The following TVP23A variants were observed in gnomAD, a reference collection of about 807,000 sequenced individuals.
The protein encoded by TVP23A is Golgi apparatus membrane protein TVP23 homolog A.
In TVP23A, 21 loss-of-function variants were observed where a neutral mutation model predicts 31.7. The observed-to-expected ratio is 0.66, with a 90% CI of 0.47 to 0.95. TVP23A has a LOEUF of 0.95. Ranked by LOEUF, TVP23A falls within the 40% of genes least tolerant of loss-of-function variation. The pLI, the probability that TVP23A is intolerant of heterozygous loss-of-function variation, is 0.00. For synonymous variants in TVP23A, 104 were observed against 96.0 expected, an observed-to-expected ratio of 1.08 and a Z score of -0.49; for missense variants, 279 against 255.6, an observed-to-expected ratio of 1.09 and a Z score of -0.62.
In TVP23A at chr16:10,775,013, C is replaced by G. The variant is rs1372301549; in HGVS notation, c.173G>C (p.Ser58Thr). The G allele has an allele frequency of 5.6e-6, 9 of 1,612,732 alleles. No homozygotes were observed. The highest frequency in any genetic ancestry group is 1.1e-5 in the South Asian group (1 of 90,832). The change falls in exon 3 of 8, where the codon AGC becomes ACC. Residue 58 changes from serine to threonine, a missense_variant. Transcript: ENST00000299866. ...TYVSCDWFSK[S>T]FVGCFVMVLL... ...CACCATGACAAAACAGCCCACAAAG[C>G]TCTTGCTGAACCAGTCGCAGCTCAC...
At chr16:10,809,519 C>G (rs991601694) in intron 2 of TVP23A, among the ~76,000 whole-genome samples, 1 of 152,226 alleles carries the variant, frequency 6.6e-6, no homozygotes, top group African/African-American at 2.4e-5. Flanking sequence ...CTTTGGCTCT[C>G]GCCTGTGGCA....
chr16:10,800,894 G>T (rs1372569750), intron 2 of TVP23A, among the ~76,000 whole-genome samples: 1 of 152,280 alleles, frequency 6.6e-6, no homozygotes, highest in Non-Finnish European at 1.5e-5. Flanking sequence ...GGGAGGCTGA[G>T]GTGGGAGGAT....
At chr16:10,809,576 T>C (rs1206824544) in intron 2 of TVP23A, among the ~76,000 whole-genome samples, 1 of 152,220 alleles carries the variant, frequency 6.6e-6, no homozygotes, top group African/African-American at 2.4e-5. Flanking sequence ...GCTATGTGGG[T>C]GCAGGGGCTA....
intron 2 of TVP23A, among the ~76,000 whole-genome samples, chr16:10,816,580 C>A (rs867598448): frequency 2.0e-5 from 3 of 152,040 alleles, no homozygotes; most frequent in African/African-American, 2.4e-5. Context: ...GTGATCTGCC[C>A]GCCTTGGCCT....
chr16:10,812,135 C>T (rs567688368), intron 2 of TVP23A, among the ~76,000 whole-genome samples: 1 of 152,186 alleles, frequency 6.6e-6, no homozygotes, highest in East Asian at 1.9e-4. Context: ...CAAGTGGACA[C>T]ATAGCACATG....
intron 2 of TVP23A, among the ~76,000 whole-genome samples, chr16:10,811,323 C>T (rs1475442829): frequency 6.6e-6 from 1 of 152,094 alleles, no homozygotes; most frequent in East Asian, 1.9e-4. Context: ...GGCTAGAGTG[C>T]AGTGGTGTGA....
chr16:10,763,569 T>G (rs986544098), downstream of TVP23A: 5 of 152,320 alleles, frequency 3.3e-5, no homozygotes, highest in East Asian at 7.7e-4. Context: ...AGGCAGCTTT[T>G]GCAGTGGCCG....
At chr16:10,811,613 T>C (rs192560885) in intron 2 of TVP23A, among the ~76,000 whole-genome samples, 2,386 of 151,306 alleles carry the variant, frequency 0.016, 65 homozygotes, top group African/African-American at 0.055. Context: ...CACACACACA[T>C]ACACTGACAC....
intron 2 of TVP23A, among the ~76,000 whole-genome samples, chr16:10,781,715 T>C (rs929581180): frequency 2.0e-5 from 3 of 152,046 alleles, no homozygotes; most frequent in South Asian, 4.1e-4. Flanking sequence ...CTTTTGTAAA[T>C]GAAGTGTGGA....
downstream of TVP23A, chr16:10,766,125 C>T (rs2030841238): frequency 6.6e-6 from 1 of 152,474 alleles, no homozygotes; most frequent in Admixed American, 6.5e-5. The surrounding 1 kb of genome is among the most constrained non-coding windows in gnomAD (Gnocchi z 4.8). Context: ...TGCCAGCGCT[C>T]TGGTGCTATG....
Position 10,777,535 on chromosome 16 carries a change from C to T in TVP23A, c.90-2439G>A, listed in dbSNP as rs1024084674. Among the ~76,000 whole-genome samples the T allele has an allele frequency of 6.6e-6, 1 of 152,160 alleles. No homozygotes were observed. Among genetic ancestry groups the T allele is most frequent in the Non-Finnish European group, 1.5e-5 (1 of 68,028 alleles). ...CAACAAACCACAGGTGCCTCTACAA[C>T]TGTGGGGCTTCCGACTCCCAGGGGA... On this transcript the variant is annotated intron_variant, in intron 2 of 7. Transcript: ENST00000299866. This position sits in a 1 kb window ranked among gnomAD's most constrained non-coding sequence, Gnocchi z 4.5.
At chr16:10,769,177 G>A (rs1046300600) in intron 7 of TVP23A, 76 bp from the exon 8 acceptor site, 72 of 1,426,000 alleles carry the variant, frequency 5.0e-5, no homozygotes, top group Middle Eastern at 1.7e-4. Flanking sequence ...AGCCAGACCC[G>A]ACCAGCTCCG....
Position 10,767,961 on chromosome 16 carries a change from A to G in TVP23A, c.*1141T>C. On this transcript the variant is annotated 3_prime_UTR_variant, in exon 8 of 8. Coordinates refer to ENST00000299866, the MANE Select transcript of TVP23A (RefSeq NM_001079512.4). This position sits in a 1 kb window ranked among gnomAD's most constrained non-coding sequence, Gnocchi z 4.6. ...TTTCTTTTTTAAGGTAAGAATTGTG[A>G]CAAAGGCCAGTCTTTTTTCATTGAC... is the stretch of plus-strand genomic sequence containing the variant. 1 of 1,614,164 alleles carries G rather than the reference A, an allele frequency of 6.2e-7. No homozygotes were observed. Among genetic ancestry groups the G allele is most frequent in the Non-Finnish European group, 8.5e-7 (1 of 1,180,036 alleles).
Position 10,771,089 on chromosome 16 carries a change from G to C in TVP23A, c.582+581C>G, listed in dbSNP as rs1482166030. ...GAGGCGAGGAGGAGGGGGAGTTAGT[G>C]TTTTGTGGGTACTGAGCTTAAGTTT... On this transcript the variant is annotated intron_variant, in intron 6 of 7. Coordinates refer to ENST00000299866, the MANE Select transcript of TVP23A (RefSeq NM_001079512.4). Among the ~76,000 whole-genome samples, 3 of 152,226 alleles carry C rather than the reference G, an allele frequency of 2.0e-5. No individual in the cohort carries two copies. In the East Asian group the frequency reaches 5.8e-4, roughly 29 times the overall value.
At chr16:10,812,968 A>G (rs2034270470) in intron 2 of TVP23A, among the ~76,000 whole-genome samples, 1 of 152,118 alleles carries the variant, frequency 6.6e-6, no homozygotes, top group Admixed American at 6.6e-5. Context: ...AGCATGGCTA[A>G]CATTTCCTCT....
intron 2 of TVP23A, among the ~76,000 whole-genome samples, chr16:10,792,076 C>A (rs543227668): frequency 6.6e-6 from 1 of 152,340 alleles, no homozygotes; most frequent in African/African-American, 2.4e-5. Flanking sequence ...AAATCAGACA[C>A]CACCTCCTCA....
intron 2 of TVP23A, among the ~76,000 whole-genome samples, chr16:10,810,557 A>G (rs1284886279): frequency 6.9e-6 from 1 of 145,026 alleles, no homozygotes; most frequent in South Asian, 2.1e-4. Context: ...AAAAAAAAAA[A>G]AAAAGAAAAG....
intron 2 of TVP23A, among the ~76,000 whole-genome samples, chr16:10,815,791 T>C (rs890414309): frequency 6.6e-6 from 1 of 152,206 alleles, no homozygotes; most frequent in Non-Finnish European, 1.5e-5. Flanking sequence ...TCAATAGAAA[T>C]TGAACACATA....
intron 2 of TVP23A, chr16:10,775,668 G>T: frequency 2.3e-6 from 1 of 439,388 alleles, no homozygotes; most frequent in Non-Finnish European, 3.0e-6. Context: ...TGTTCACTGT[G>T]CCTTTAGACA....
Sources: allele counts gnomAD v4.1 joint callset (sites outside exome capture counted in the v4.1 genomes callset), GRCh38; gene constraint gnomAD v4.1.1; non-coding constraint Gnocchi (gnomAD v3.1); transcripts MANE v1.5; gene names NCBI Gene and HGNC (gene_info 2026-07-23, HGNC 2026-07-21).